The following BACH2 variants were observed in gnomAD, a reference collection of about 807,000 sequenced individuals.
The protein encoded by BACH2 is transcription regulator protein BACH2.
A neutral mutation model predicts 61.8 loss-of-function variants in BACH2; 5 were observed. The ratio of observed to expected loss-of-function variants is 0.08; its 90% CI spans 0.04 to 0.17. BACH2 has a LOEUF of 0.17. Among genes scored for constraint, BACH2 ranks in the 10% least tolerant of loss-of-function variants. The pLI is 1.00. For missense variants in BACH2, 824 were observed against 1,091.1 expected, an observed-to-expected ratio of 0.76 and a Z score of 3.45; for synonymous variants, 446 against 440.1, an observed-to-expected ratio of 1.01 and a Z score of -0.17.
At chr6:90,151,893 T>A (rs549707390) in intron 4 of BACH2, among the ~76,000 whole-genome samples, 1 of 152,336 alleles carries the variant, frequency 6.6e-6, no homozygotes, top group South Asian at 2.1e-4. Flanking sequence ...GTGAATGAAT[T>A]CTTTTACGAT....
At chr6:90,293,513 G>A (rs1445670148) in intron 1 of BACH2, among the ~76,000 whole-genome samples, 2 of 152,236 alleles carry the variant, frequency 1.3e-5, no homozygotes, top group African/African-American at 2.4e-5. Context: ...GCTCACAAGC[G>A]CTAATGAATA....
chr6:90,138,097 C>CTG (rs1403666523), intron 4 of BACH2, among the ~76,000 whole-genome samples: 1 of 152,134 alleles, frequency 6.6e-6, no homozygotes, highest in Non-Finnish European at 1.5e-5. Flanking sequence ...CACAGTCTCT[C>CTG]TCTCTCTCCC....
chr6:90,256,011 T>A (rs1562528733), intron 2 of BACH2, among the ~76,000 whole-genome samples: 1 of 152,230 alleles, frequency 6.6e-6, no homozygotes, highest in Admixed American at 6.5e-5. Context: ...GTTTTCCTTT[T>A]AAAACTATTC....
chr6:90,003,413 C>T lies in BACH2; in HGVS notation c.243+5189G>A, dbSNP rs189160548. On this transcript the variant is annotated intron_variant, in intron 6 of 8. Coordinates refer to ENST00000257749, the MANE Select transcript of BACH2 (RefSeq NM_021813.4). ...CTTGAACAGGCTTTTCTTGATCACT[C>T]TTCTTAAAATTGTAATACTTGTATC... 8.5e-5 allele frequency among the ~76,000 whole-genome samples: 13 copies of T among 152,294 alleles called. No individual in the cohort carries two copies. In the East Asian group the frequency reaches 2.5e-3, roughly 29 times the overall value.
intron 6 of BACH2, among the ~76,000 whole-genome samples, chr6:90,005,091 TA>T (rs1193714848): frequency 2.6e-5 from 4 of 152,200 alleles, no homozygotes; most frequent in African/African-American, 9.6e-5. Context: ...TGAGTGGCTC[TA>T]ATGTGCTGGT....
At chr6:90,052,924 A>G (rs1037938963) in intron 5 of BACH2, among the ~76,000 whole-genome samples, 10 of 152,170 alleles carry the variant, frequency 6.6e-5, no homozygotes, top group Admixed American at 6.5e-4. Context: ...TTGCTGATAT[A>G]TCTGCATTTG....
chr6:90,110,867 G>A (rs964666715), intron 4 of BACH2, among the ~76,000 whole-genome samples: 2 of 152,068 alleles, frequency 1.3e-5, no homozygotes, highest in Non-Finnish European at 2.9e-5. Context: ...ACGGTAGAAG[G>A]GCTTATGTGT....
intron 1 of BACH2, among the ~76,000 whole-genome samples, chr6:90,296,176 C>G: frequency 6.6e-6 from 1 of 152,118 alleles, no homozygotes; most frequent in Non-Finnish European, 1.5e-5. Flanking sequence ...CTCTGCTGTT[C>G]CAAAACACCC....
intron 4 of BACH2, among the ~76,000 whole-genome samples, chr6:90,127,625 CA>C (rs1477939004): frequency 2.6e-5 from 4 of 152,136 alleles, no homozygotes; most frequent in Admixed American, 1.3e-4. Flanking sequence ...ATTAAAAAAT[CA>C]GAAAGAATGT....
At chr6:90,206,215 C>T (rs375175575) in intron 4 of BACH2, among the ~76,000 whole-genome samples, 3 of 152,262 alleles carry the variant, frequency 2.0e-5, no homozygotes, top group African/African-American at 7.2e-5. Flanking sequence ...AGTCAGGCCA[C>T]TTGTCTAGGG....
At position 90,092,315 on chromosome 6, in the gene BACH2, T is replaced by TATATATATATATACAC. The variant is rs142761642; in HGVS notation, c.-161-3207_-161-3206insGTGTATATATATATAT. 2.3e-4 allele frequency among the ~76,000 whole-genome samples: 26 copies of TATATATATATATACAC among 112,450 alleles called. No homozygotes were observed. In the East Asian group the frequency reaches 0.012, roughly 51 times the overall value. The allele number at this position is 112,450 out of a possible 152,430, so 73.8% of individuals were successfully genotyped here. A position where few individuals can be genotyped will look rare whatever the true frequency, so the allele number is the denominator to read the frequency against. ...AAATATATATATATATATATATATA[T>TATATATATATATACAC]ACACACACACACATTGCATCACTTG... On this transcript the variant is annotated intron_variant, in intron 4 of 8. Transcript: ENST00000257749.
At chr6:90,100,219 T>C (rs1159407026) in intron 4 of BACH2, among the ~76,000 whole-genome samples, 2 of 152,248 alleles carry the variant, frequency 1.3e-5, no homozygotes, top group Non-Finnish European at 2.9e-5. Context: ...TTAGCTATTA[T>C]GAATAATGCT....
At chr6:89,947,931 G>A (rs1773845202) in intron 7 of BACH2, among the ~76,000 whole-genome samples, 1 of 152,124 alleles carries the variant, frequency 6.6e-6, no homozygotes, top group African/African-American at 2.4e-5. Context: ...TATTTCTCAA[G>A]GGGGGAAGGC....
chr6:90,195,349 T>A (rs1357371124), intron 4 of BACH2, among the ~76,000 whole-genome samples: 1 of 152,112 alleles, frequency 6.6e-6, no homozygotes, highest in Non-Finnish European at 1.5e-5. Flanking sequence ...CAGTTATGAG[T>A]AGCCATTTAA....
chr6:89,959,097 GCACACACACACACACACACA>G (rs60175244), intron 6 of BACH2, among the ~76,000 whole-genome samples: 14,597 of 134,460 alleles, frequency 0.11, 849 homozygotes, highest in African/African-American at 0.13. Context: ...ATGCACAAGT[GCACACACACACACACACACA>G]CACACACACA....
chr6:90,093,491 G>A (rs2127808999), intron 4 of BACH2, among the ~76,000 whole-genome samples: 1 of 152,334 alleles, frequency 6.6e-6, no homozygotes, highest in Non-Finnish European at 1.5e-5. Context: ...GCAGCCACAT[G>A]AGGATACTGA....
chr6:90,186,438 C>T (rs1201087484), intron 4 of BACH2, among the ~76,000 whole-genome samples: 2 of 151,966 alleles, frequency 1.3e-5, no homozygotes, highest in Admixed American at 6.6e-5. Context: ...CAAGATGTAC[C>T]TATCAATAAA....
intron 1 of BACH2, among the ~76,000 whole-genome samples, chr6:90,281,170 G>C (rs1002756844): frequency 2.0e-5 from 3 of 152,296 alleles, no homozygotes; most frequent in African/African-American, 7.2e-5. Flanking sequence ...GTGGCCTTAA[G>C]GAGGTGTCGC....
intron 3 of BACH2, among the ~76,000 whole-genome samples, chr6:90,213,052 C>T (rs1365092037): frequency 1.3e-5 from 2 of 152,168 alleles, no homozygotes; most frequent in Non-Finnish European, 2.9e-5. Context: ...CACAGAGGAG[C>T]CCCCAAGAGG....
Sources: gnomAD v4.1 joint callset for allele counts (sites outside exome capture counted in the v4.1 genomes callset) on GRCh38, gnomAD v4.1.1 for gene constraint, MANE v1.5 for transcripts, NCBI Gene and HGNC (gene_info 2026-07-23, HGNC 2026-07-21) for gene names.